The following ANXA2 variants were observed in gnomAD, a reference collection of about 807,000 sequenced individuals.
ANXA2 encodes annexin II.
In ANXA2, 28 loss-of-function variants were observed where a neutral mutation model predicts 47.3. The observed-to-expected ratio is 0.59, with a 90% CI of 0.44 to 0.81. The LOEUF (loss-of-function observed/expected upper bound fraction) is 0.81. Ranked by LOEUF, ANXA2 falls within the 40% of genes least tolerant of loss-of-function variation. The probability of loss-of-function intolerance (pLI) is 0.00; values close to 1 mark genes in which losing one functional copy is unlikely to be tolerated. For missense variants in ANXA2, 384 were observed against 414.3 expected (o/e 0.93, Z 0.64); for synonymous variants, 172 against 155.5 (o/e 1.11, Z -0.79).
chr15:60,382,255 A>C, intron 3 of ANXA2, 87 bp downstream of exon 3: 6 of 1,002,854 alleles, frequency 6.0e-6, no homozygotes, highest in Non-Finnish European at 9.5e-6. Context: ...CAAATCGCCA[A>C]CGTATGGCGA....
chr15:60,391,302 G>A (rs1168941094), intron 1 of ANXA2: 1 of 152,278 alleles, frequency 6.6e-6, no homozygotes, highest in African/African-American at 2.4e-5. Context: ...AGCCATCAGA[G>A]CGGGATTAGT....
intron 11 of ANXA2, among the ~76,000 whole-genome samples, chr15:60,350,819 G>A (rs529525503): frequency 6.6e-6 from 1 of 152,286 alleles, no homozygotes; most frequent in African/African-American, 2.4e-5. Flanking sequence ...AGGTAAAATA[G>A]TAGCACTTGT....
At chr15:60,380,218 A>G (rs986841784) in intron 3 of ANXA2, among the ~76,000 whole-genome samples, 3 of 152,176 alleles carry the variant, frequency 2.0e-5, no homozygotes, top group Admixed American at 2.0e-4. Context: ...GCATCGTGCT[A>G]AATGCTTCAT....
At chr15:60,387,966 G>C (rs1431709861) in intron 1 of ANXA2, among the ~76,000 whole-genome samples, 4 of 152,132 alleles carry the variant, frequency 2.6e-5, no homozygotes, top group Non-Finnish European at 4.4e-5. Context: ...GAGGCAGGCA[G>C]ATCACGAGGT....
At chr15:60,349,903 C>G (rs201815659) in intron 11 of ANXA2, among the ~76,000 whole-genome samples, 573 of 31,698 alleles carry the variant, frequency 0.018, 17 homozygotes, top group Admixed American at 0.05. Context: ...GGCAGGGAGG[C>G]AGGGGAAGGC....
At position 60,347,283 on chromosome 15, in the gene ANXA2, C is replaced by G. The variant is rs1220807796; in HGVS notation, c.*347G>C. 3.3e-6 allele frequency: 1 copy of G among 300,932 alleles called. No individual in the cohort carries two copies. Among genetic ancestry groups the G allele is most frequent in the Non-Finnish European group, 6.3e-6 (1 of 159,838 alleles). 18.6% of individuals were successfully genotyped at this position (300,932 alleles called of 1,614,324 possible). A position where few individuals can be genotyped will look rare whatever the true frequency, so the allele number is the denominator to read the frequency against. ...AGCCTCACCAGCTGAACCCCAAGCA[C>G]GTTTAATTTTCAAACAATTCAGTTG... On this transcript the variant is annotated 3_prime_UTR_variant, in exon 13 of 13. Coordinates refer to ENST00000451270, the MANE Select transcript of ANXA2 (RefSeq NM_004039.3).
intron 3 of ANXA2, among the ~76,000 whole-genome samples, chr15:60,370,730 G>C (rs907197368): frequency 2.0e-5 from 3 of 152,214 alleles, no homozygotes; most frequent in African/African-American, 7.2e-5. Context: ...AGGCCCAGGA[G>C]ATGGGGCTCT....
At chr15:60,387,742 C>T (rs1390537422) in intron 1 of ANXA2, among the ~76,000 whole-genome samples, 2 of 152,114 alleles carry the variant, frequency 1.3e-5, no homozygotes, top group Non-Finnish European at 2.9e-5. Flanking sequence ...TGAGTGGTAA[C>T]GATGTGTCAA....
At chr15:60,393,645 C>A (rs1050184657) in intron 1 of ANXA2, 35 of 985,326 alleles carry the variant, frequency 3.6e-5, no homozygotes, top group Non-Finnish European at 4.2e-5. Context: ...TAGCTGACAT[C>A]TGAATGAGTC....
intron 6 of ANXA2, 61 bp from the exon 7 acceptor site, chr15:60,356,059 A>G: frequency 1.6e-6 from 2 of 1,281,008 alleles, no homozygotes; most frequent in Non-Finnish European, 2.3e-6. Flanking sequence ...ATCCACCCCA[A>G]TCTCCCCATT....
chr15:60,347,799 G>A (rs1895789760), intron 12 of ANXA2, 110 bp from the exon 13 acceptor site: 1 of 983,152 alleles, frequency 1.0e-6, no homozygotes, highest in Non-Finnish European at 1.6e-6. Context: ...ATGACAAAGA[G>A]AAGACTCTGC....
At chr15:60,367,267 G>T (rs2062635260) in intron 3 of ANXA2, among the ~76,000 whole-genome samples, 3 of 130,766 alleles carry the variant, frequency 2.3e-5, no homozygotes, top group African/African-American at 5.8e-5. Context: ...GGAGGGAGGT[G>T]GGGGGATCAG....
intron 1 of ANXA2, chr15:60,397,111 C>A: frequency 4.6e-6 from 1 of 216,692 alleles, no homozygotes; most frequent in Non-Finnish European, 7.9e-6. Context: ...AAGCCCTCCA[C>A]ACCAGCAGTG....
At chr15:60,397,004 G>C (rs769755609) in intron 1 of ANXA2, among the ~76,000 whole-genome samples, 1 of 152,104 alleles carries the variant, frequency 6.6e-6, no homozygotes, top group Admixed American at 6.5e-5. Flanking sequence ...AATAACTCTG[G>C]GTGGTGGTAA....
chr15:60,363,066 G>T (rs537763296), intron 4 of ANXA2: 1 of 127,954 alleles, frequency 7.8e-6, no homozygotes, highest in African/African-American at 2.8e-5. Flanking sequence ...AAAGTTTCAG[G>T]CTTCTATGTG....
chr15:60,388,630 C>CCA (rs932088844), intron 1 of ANXA2, among the ~76,000 whole-genome samples: 4 of 149,146 alleles, frequency 2.7e-5, no homozygotes, highest in Non-Finnish European at 5.9e-5. Context: ...AGACAAGGTC[C>CCA]CACTGTGTTG....
chr15:60,347,587 G>A lies in ANXA2; in HGVS notation c.*43C>T. Reference sequence around the variant, plus strand: ...GGTTTTCTAGACCTGTTAGCTGGAAGCATGGTGAGCACCATTTCTGGACGC... The same window carrying A: ...GGTTTTCTAGACCTGTTAGCTGGAAACATGGTGAGCACCATTTCTGGACGC... On this transcript the variant is annotated 3_prime_UTR_variant, in exon 13 of 13. Coordinates refer to ENST00000451270, the MANE Select transcript of ANXA2 (RefSeq NM_004039.3). The A allele has an allele frequency of 6.2e-7, 1 of 1,600,054 alleles. No individual in the cohort carries two copies. Among genetic ancestry groups the A allele is most frequent in the Non-Finnish European group, 8.6e-7 (1 of 1,167,372 alleles).
chr15:60,376,032 C>T (rs554879319), intron 3 of ANXA2, among the ~76,000 whole-genome samples: 6 of 152,166 alleles, frequency 3.9e-5, no homozygotes, highest in Admixed American at 1.3e-4. Context: ...GAGCCAGAGA[C>T]GAGGCTAGAA....
intron 4 of ANXA2, 92 bp downstream of exon 4, chr15:60,364,337 C>T (rs555559701): frequency 1.0e-6 from 1 of 992,706 alleles, no homozygotes; most frequent in East Asian, 2.5e-5. Flanking sequence ...GTCTTTTGCG[C>T]ATGAGAGCCA....
Sources: allele counts gnomAD v4.1 joint callset (sites outside exome capture counted in the v4.1 genomes callset), GRCh38; gene constraint gnomAD v4.1.1; transcripts MANE v1.5; gene names NCBI Gene and HGNC (gene_info 2026-07-23, HGNC 2026-07-21).